Variants in VAX2 observed in about 807,000 individuals in gnomAD.
VAX2 encodes ventral anterior homeobox 2.
VAX2 carries 8 observed loss-of-function variants against 12.5 expected under a neutral mutation model. That is an observed-to-expected ratio of 0.64 (90% CI 0.37 to 1.15). VAX2 has a LOEUF of 1.15. Ranked by LOEUF, VAX2 falls within the 50% of genes most tolerant of loss-of-function variation. The probability of loss-of-function intolerance (pLI) is 0.01; values close to 1 mark genes in which losing one functional copy is unlikely to be tolerated. For missense variants in VAX2, 476 were observed against 412.9 expected, an observed-to-expected ratio of 1.15 and a Z score of -1.32; for synonymous variants, 183 against 187.6, an observed-to-expected ratio of 0.98 and a Z score of 0.20.
intron 2 of VAX2, among the ~76,000 whole-genome samples, chr2:70,926,657 C>G (rs1400834365): frequency 6.6e-6 from 1 of 152,124 alleles, no homozygotes; most frequent in Non-Finnish European, 1.5e-5. Context: ...ACCCCACAAC[C>G]TATATATTTT....
rs13389976 is a variant in VAX2, at chr2:70,903,177, T to C, written c.247+2309T>C. 7.2e-3 allele frequency among the ~76,000 whole-genome samples: 1,090 copies of C among 152,314 alleles called. 22 individuals carry two copies. The highest frequency in any genetic ancestry group is 0.024 in the African/African-American group (1,010 of 41,578). On this transcript the variant is annotated intron_variant, in intron 1 of 2. Coordinates refer to ENST00000234392, the MANE Select transcript of VAX2 (RefSeq NM_012476.3). ...AGTCTGAACTAACTGCCTTGGCCCC[T>C]GAATGAACATTCCTTCCATAGGCCT...
At chr2:70,902,237 G>T (rs1678951207) in intron 1 of VAX2, among the ~76,000 whole-genome samples, 1 of 152,192 alleles carries the variant, frequency 6.6e-6, no homozygotes, top group Non-Finnish European at 1.5e-5. Flanking sequence ...ACTGATGACT[G>T]CCTTGAATAC....
intron 1 of VAX2, among the ~76,000 whole-genome samples, chr2:70,910,309 CT>C (rs1344772623): frequency 6.6e-6 from 1 of 152,044 alleles, no homozygotes; most frequent in Non-Finnish European, 1.5e-5. Context: ...TCATAATAAA[CT>C]GTTTAAAGTA....
intron 1 of VAX2, among the ~76,000 whole-genome samples, chr2:70,915,027 C>T (rs1022529999): frequency 1.3e-5 from 2 of 152,234 alleles, no homozygotes; most frequent in Non-Finnish European, 2.9e-5. Flanking sequence ...TCTCCAATGC[C>T]TGGCCTCAAG....
chr2:70,924,602 T>C (rs185998092), intron 2 of VAX2, among the ~76,000 whole-genome samples: 2 of 152,252 alleles, frequency 1.3e-5, no homozygotes, highest in East Asian at 3.9e-4. Flanking sequence ...TGGGTAATAG[T>C]ACCCATGAAG....
At chr2:70,901,947 C>G (rs1313614071) in intron 1 of VAX2, among the ~76,000 whole-genome samples, 2 of 152,260 alleles carry the variant, frequency 1.3e-5, no homozygotes, top group Non-Finnish European at 2.9e-5. Context: ...CCTGCTGCCT[C>G]TTTCCAGCCT....
intron 1 of VAX2, among the ~76,000 whole-genome samples, chr2:70,914,812 T>C (rs551193209): frequency 6.6e-6 from 1 of 151,840 alleles, no homozygotes. Context: ...AATTTTTTTT[T>C]TTTTTTTTGA....
At chr2:70,901,578 C>G (rs1678929419) in intron 1 of VAX2, among the ~76,000 whole-genome samples, 1 of 152,242 alleles carries the variant, frequency 6.6e-6, no homozygotes, top group Admixed American at 6.5e-5. Flanking sequence ...TCCTCTCAGC[C>G]GAACGCGCCT....
chr2:70,906,403 AG>A (rs1299164627), intron 1 of VAX2, among the ~76,000 whole-genome samples: 1 of 149,276 alleles, frequency 6.7e-6, no homozygotes, highest in East Asian at 2.1e-4. Flanking sequence ...AGACTGAAGG[AG>A]TGTGCTATAA....
intron 1 of VAX2, among the ~76,000 whole-genome samples, chr2:70,920,427 C>T (rs1679425966): frequency 6.6e-6 from 1 of 152,100 alleles, no homozygotes; most frequent in African/African-American, 2.4e-5. Context: ...CCAGGAGTGG[C>T]CCTGCTGTTC....
chr2:70,918,157 G>A (rs3771392), intron 1 of VAX2, among the ~76,000 whole-genome samples: 121,627 of 152,228 alleles, frequency 0.8, 49,195 homozygotes, highest in African/African-American at 0.93. Context: ...CCAGCAGCTT[G>A]GCAGGACCTG....
intron 2 of VAX2, among the ~76,000 whole-genome samples, chr2:70,923,034 T>C (rs1346662718): frequency 6.6e-6 from 1 of 152,026 alleles, no homozygotes; most frequent in African/African-American, 2.4e-5. Flanking sequence ...TGTGTGTGTG[T>C]GCACGTGTGT....
At chr2:70,922,557 C>T (rs901827071) in intron 2 of VAX2, among the ~76,000 whole-genome samples, 20 of 151,726 alleles carry the variant, frequency 1.3e-4, no homozygotes, top group African/African-American at 4.4e-4. Flanking sequence ...TCCTGGTCCC[C>T]TTGAGAGGTT....
intron 1 of VAX2, among the ~76,000 whole-genome samples, chr2:70,909,553 C>T (rs895576498): frequency 2.0e-4 from 30 of 152,238 alleles, no homozygotes; most frequent in African/African-American, 5.8e-4. Flanking sequence ...ACATGATACA[C>T]TTCCACTCCT....
intron 1 of VAX2, among the ~76,000 whole-genome samples, chr2:70,917,536 A>ATTTTTTC (rs1334624575): frequency 6.6e-6 from 1 of 151,846 alleles, no homozygotes; most frequent in Non-Finnish European, 1.5e-5. Flanking sequence ...CACTCTCAGT[A>ATTTTTTC]TTTTTTCTTT....
At chr2:70,914,450 C>CA (rs1427439534) in intron 1 of VAX2, among the ~76,000 whole-genome samples, 4 of 152,166 alleles carry the variant, frequency 2.6e-5, no homozygotes, top group African/African-American at 9.6e-5. Flanking sequence ...GACTCTATCT[C>CA]AAAAAATAAA....
intron 1 of VAX2, among the ~76,000 whole-genome samples, chr2:70,920,430 T>C (rs1679426026): frequency 6.6e-6 from 1 of 152,112 alleles, no homozygotes; most frequent in Admixed American, 6.5e-5. Flanking sequence ...GGAGTGGCCC[T>C]GCTGTTCAGG....
At chr2:70,918,021 C>A (rs1012394505) in intron 1 of VAX2, among the ~76,000 whole-genome samples, 3 of 152,216 alleles carry the variant, frequency 2.0e-5, no homozygotes, top group African/African-American at 7.2e-5. Context: ...GGAGACTGAT[C>A]CAGTCACAGT....
Position 70,904,033 on chromosome 2 carries a change from A to G in VAX2, c.247+3165A>G, listed in dbSNP as rs1279240736. On this transcript the variant is annotated intron_variant, in intron 1 of 2. Transcript: ENST00000234392. The surrounding 1 kb of genome is among the most constrained non-coding windows in gnomAD (Gnocchi z 4.2). ...CTCAAAATGAAGACTCCTACATGTC[A>G]CACATGGGCACGGACCAGAGCTGCT... Among the ~76,000 whole-genome samples, 6 of 152,162 alleles carry G rather than the reference A, an allele frequency of 3.9e-5. No homozygotes were observed. Among genetic ancestry groups the G allele is most frequent in the Admixed American group, 3.9e-4 (6 of 15,280 alleles).
Sources: gnomAD v4.1 joint callset for allele counts (sites outside exome capture counted in the v4.1 genomes callset) on GRCh38, gnomAD v4.1.1 for gene constraint, Gnocchi (gnomAD v3.1) non-coding constraint, MANE v1.5 for transcripts, NCBI Gene and HGNC (gene_info 2026-07-23, HGNC 2026-07-21) for gene names.